The following UBR3 variants were observed in gnomAD, a reference collection of about 807,000 sequenced individuals.
UBR3 encodes E3 ubiquitin-protein ligase UBR3.
UBR3 carries 85 observed loss-of-function variants against 243.2 expected under a neutral mutation model. The ratio of observed to expected loss-of-function variants is 0.35; its 90% CI spans 0.29 to 0.42. The LOEUF is 0.42. UBR3 is among the 10% of genes least tolerant of loss of function. UBR3 has a pLI of 1.00. For synonymous variants in UBR3, 748 were observed against 799.8 expected, an observed-to-expected ratio of 0.94 and a Z score of 1.09; for missense variants, 1,686 against 2,300.8, an observed-to-expected ratio of 0.73 and a Z score of 5.47.
chr2:169,923,870 C>A, intron 11 of UBR3, 59 bp from the exon 12 acceptor site: 1 of 1,383,726 alleles, frequency 7.2e-7, no homozygotes. Flanking sequence ...CATTTTACAA[C>A]CATCTTAAAA....
At chr2:169,981,027 G>A (rs2088704052) in intron 24 of UBR3, among the ~76,000 whole-genome samples, 1 of 151,672 alleles carries the variant, frequency 6.6e-6, no homozygotes, top group Non-Finnish European at 1.5e-5. Context: ...GGCCAAAGCT[G>A]GAACAATTTG....
chr2:170,011,856 C>G (rs1041320473), intron 29 of UBR3, among the ~76,000 whole-genome samples: 2 of 151,912 alleles, frequency 1.3e-5, no homozygotes, highest in African/African-American at 2.4e-5. Flanking sequence ...ATAATGGAAA[C>G]CAAATTGGGG....
chr2:170,043,366 C>T (rs548621741), intron 32 of UBR3, among the ~76,000 whole-genome samples: 265 of 152,148 alleles, frequency 1.7e-3, no homozygotes, highest in Non-Finnish European at 1.5e-3. Flanking sequence ...CAACAGAAGA[C>T]GAAGTTCATG....
At chr2:170,065,556 T>C (rs1477930216) in intron 35 of UBR3, among the ~76,000 whole-genome samples, 1 of 152,200 alleles carries the variant, frequency 6.6e-6, no homozygotes, top group East Asian at 1.9e-4. Flanking sequence ...GCTCCCAAAG[T>C]GCTTGGATTA....
At chr2:170,070,427 A>G (rs930769192) in intron 35 of UBR3, among the ~76,000 whole-genome samples, 1 of 152,160 alleles carries the variant, frequency 6.6e-6, no homozygotes, top group African/African-American at 2.4e-5. Flanking sequence ...CAAGATTGGA[A>G]CAAGACAAGG....
At chr2:169,861,967 A>G (rs917639342) in intron 1 of UBR3, among the ~76,000 whole-genome samples, 6 of 152,192 alleles carry the variant, frequency 3.9e-5, no homozygotes, top group Admixed American at 2.6e-4. Flanking sequence ...TTCTCTGATT[A>G]AGCCCTGTTT....
chr2:169,944,745 A>G (rs967626281), intron 20 of UBR3, among the ~76,000 whole-genome samples: 20 of 152,212 alleles, frequency 1.3e-4, no homozygotes, highest in Admixed American at 7.9e-4. Context: ...AAGTTACTCA[A>G]TTAAAGCTGT....
At chr2:169,980,514 A>G (rs906705590) in intron 24 of UBR3, among the ~76,000 whole-genome samples, 5 of 152,060 alleles carry the variant, frequency 3.3e-5, no homozygotes, top group Non-Finnish European at 4.4e-5. Context: ...CTGCTAAGGA[A>G]ACTTATCTGT....
chr2:169,939,110 T>C (rs1353270142), intron 19 of UBR3, among the ~76,000 whole-genome samples: 1 of 152,104 alleles, frequency 6.6e-6, no homozygotes, highest in African/African-American at 2.4e-5. Flanking sequence ...TATTATTTAT[T>C]TGTGTTTGCT....
At chr2:169,845,630 C>T (rs922545411) in intron 1 of UBR3, among the ~76,000 whole-genome samples, 5 of 150,252 alleles carry the variant, frequency 3.3e-5, no homozygotes, top group African/African-American at 1.2e-4. Context: ...GTCACCTAGG[C>T]TGGAATGCAG....
intron 6 of UBR3, among the ~76,000 whole-genome samples, chr2:169,891,666 C>T (rs916354437): frequency 2.7e-5 from 4 of 150,742 alleles, no homozygotes; most frequent in Non-Finnish European, 5.9e-5. Context: ...GTACTTAACA[C>T]GTCATAAAGG....
intron 36 of UBR3, chr2:170,078,067 CT>C (rs1442861817): frequency 1.5e-6 from 1 of 673,996 alleles, no homozygotes; most frequent in Non-Finnish European, 2.8e-6. Context: ...TGGAGTCTTT[CT>C]TTTGTCTGGT....
chr2:170,013,703 A>T (rs2090150323), intron 29 of UBR3: 1 of 166,546 alleles, frequency 6.0e-6, no homozygotes, highest in Non-Finnish European at 1.4e-5. Flanking sequence ...ATTTTTGCAA[A>T]TATGGTGAAA....
At chr2:170,051,494 G>A (rs1335267004) in intron 32 of UBR3, among the ~76,000 whole-genome samples, 1 of 151,924 alleles carries the variant, frequency 6.6e-6, no homozygotes, top group African/African-American at 2.4e-5. Flanking sequence ...ACAGGCACCC[G>A]CCACCACGCC....
intron 24 of UBR3, among the ~76,000 whole-genome samples, chr2:169,970,648 A>G (rs2088090284): frequency 8.2e-6 from 1 of 121,450 alleles, no homozygotes; most frequent in African/African-American, 3.0e-5. Flanking sequence ...TACAAAGGAC[A>G]CGAACTCATC....
At chr2:170,028,678 C>A (rs1574419041) in intron 30 of UBR3, among the ~76,000 whole-genome samples, 1 of 88,920 alleles carries the variant, frequency 1.1e-5, no homozygotes, top group Admixed American at 1.5e-4. Flanking sequence ...GATACAAAAG[C>A]AATACTTAGG....
intron 5 of UBR3, among the ~76,000 whole-genome samples, chr2:169,890,460 A>T (rs1383584037): frequency 6.7e-6 from 1 of 148,724 alleles, no homozygotes. Context: ...ATAGGTTGTG[A>T]GTGTCCATCC....
intron 1 of UBR3, among the ~76,000 whole-genome samples, chr2:169,871,743 C>CAAA (rs562559554): frequency 1.1e-5 from 1 of 94,998 alleles, no homozygotes; most frequent in South Asian, 3.6e-4. Flanking sequence ...CCAAGACTCT[C>CAAA]AAAAAAAAAA....
At chr2:170,016,171 T>A (rs2090230833) in intron 30 of UBR3, among the ~76,000 whole-genome samples, 1 of 151,882 alleles carries the variant, frequency 6.6e-6, no homozygotes, top group Admixed American at 6.6e-5. Flanking sequence ...GTTGGTTTTT[T>A]AACAAAATAT....
Sources: gnomAD v4.1 joint callset for allele counts (sites outside exome capture counted in the v4.1 genomes callset) on GRCh38, gnomAD v4.1.1 for gene constraint, MANE v1.5 for transcripts, NCBI Gene and HGNC (gene_info 2026-07-23, HGNC 2026-07-21) for gene names.